The following PLEKHM3 variants were observed in gnomAD, a reference collection of about 807,000 sequenced individuals.
The protein encoded by PLEKHM3 is pleckstrin homology domain containing M3.
A neutral mutation model predicts 81.8 loss-of-function variants in PLEKHM3; 45 were observed. The observed-to-expected ratio is 0.55, with a 90% CI of 0.43 to 0.71. The LOEUF (loss-of-function observed/expected upper bound fraction) is 0.71, where lower values mean the gene tolerates loss of function less well. Ranked by LOEUF, PLEKHM3 falls within the 30% of genes least tolerant of loss-of-function variation. PLEKHM3 has a pLI of 0.00. For missense variants in PLEKHM3, 788 were observed against 924.3 expected, an observed-to-expected ratio of 0.85 and a Z score of 1.91; for synonymous variants, 352 against 356.4, an observed-to-expected ratio of 0.99 and a Z score of 0.14.
chr2:208,011,589 T>C (rs1174248217), intron 1 of PLEKHM3, among the ~76,000 whole-genome samples: 1 of 150,866 alleles, frequency 6.6e-6, no homozygotes, highest in African/African-American at 2.4e-5. Flanking sequence ...AATGAGAAAA[T>C]AGACTTTGGG....
intron 7 of PLEKHM3, among the ~76,000 whole-genome samples, chr2:207,830,759 C>T (rs1239263406): frequency 1.3e-5 from 2 of 149,786 alleles, no homozygotes; most frequent in Admixed American, 6.6e-5. Context: ...CCCAACTCCG[C>T]ATGCCTCAGA....
intron 7 of PLEKHM3, among the ~76,000 whole-genome samples, chr2:207,855,471 T>A (rs1345615609): frequency 1.3e-5 from 2 of 152,118 alleles, no homozygotes; most frequent in Non-Finnish European, 2.9e-5. Flanking sequence ...AATAACTGTA[T>A]CCATACTTGG....
At chr2:207,919,729 A>G (rs1367441726) in intron 5 of PLEKHM3, among the ~76,000 whole-genome samples, 2 of 152,170 alleles carry the variant, frequency 1.3e-5, no homozygotes, top group African/African-American at 4.8e-5. Flanking sequence ...GGACATATTA[A>G]GGTTAAGACG....
chr2:207,848,992 T>TGAGGCTGATGTTTGTTCTC (rs1559206132), intron 7 of PLEKHM3, among the ~76,000 whole-genome samples: 1 of 152,210 alleles, frequency 6.6e-6, no homozygotes, highest in Non-Finnish European at 1.5e-5. Context: ...CACTTTTCCA[T>TGAGGCTGATGTTTGTTCTC]GAGGCTGATG....
At chr2:207,972,220 T>G (rs981508334) in intron 3 of PLEKHM3, among the ~76,000 whole-genome samples, 1 of 151,974 alleles carries the variant, frequency 6.6e-6, no homozygotes, top group Non-Finnish European at 1.5e-5. Context: ...TTTCAAGAAG[T>G]AGAACTAGCA....
intron 1 of PLEKHM3, among the ~76,000 whole-genome samples, chr2:208,017,035 C>T (rs757376273): frequency 6.6e-6 from 1 of 152,186 alleles, no homozygotes; most frequent in Non-Finnish European, 1.5e-5. Flanking sequence ...ACAGTGCCTA[C>T]ACATCCTCTC....
intron 5 of PLEKHM3, among the ~76,000 whole-genome samples, chr2:207,920,579 GA>G (rs35352036): frequency 0.64 from 95,869 of 150,308 alleles, 31,025 homozygotes; most frequent in Middle Eastern, 0.8. Context: ...TAAAATGAGA[GA>G]AAAAAAAATG....
At chr2:207,860,313 T>A (rs2092461205) in intron 7 of PLEKHM3, among the ~76,000 whole-genome samples, 1 of 152,044 alleles carries the variant, frequency 6.6e-6, no homozygotes, top group Non-Finnish European at 1.5e-5. Flanking sequence ...CTAAAAGGGC[T>A]GAGTCAACTC....
intron 7 of PLEKHM3, among the ~76,000 whole-genome samples, chr2:207,858,637 C>T (rs1025724324): frequency 3.9e-5 from 6 of 151,936 alleles, no homozygotes; most frequent in Non-Finnish European, 7.4e-5. Flanking sequence ...TTTGCCACCA[C>T]GTCCAGCTAA....
intron 6 of PLEKHM3, among the ~76,000 whole-genome samples, chr2:207,873,787 TA>T (rs1209231934): frequency 6.6e-6 from 1 of 152,208 alleles, no homozygotes; most frequent in Non-Finnish European, 1.5e-5. Flanking sequence ...TTTCGGGATG[TA>T]AAGTACAATA....
intron 5 of PLEKHM3, among the ~76,000 whole-genome samples, chr2:207,920,135 G>A (rs1261860094): frequency 6.6e-6 from 1 of 152,168 alleles, no homozygotes; most frequent in Non-Finnish European, 1.5e-5. Context: ...AGGAAGAGAT[G>A]GCTTAGAAGG....
At chr2:207,849,836 A>G (rs1208757259) in intron 7 of PLEKHM3, among the ~76,000 whole-genome samples, 1 of 152,248 alleles carries the variant, frequency 6.6e-6, no homozygotes, top group East Asian at 1.9e-4. Context: ...ATATATACTT[A>G]GGCAAGCTTA....
chr2:207,857,181 C>T (rs1293076289), intron 7 of PLEKHM3, among the ~76,000 whole-genome samples: 4 of 152,176 alleles, frequency 2.6e-5, no homozygotes, highest in African/African-American at 9.7e-5. Flanking sequence ...ACTTATCTCT[C>T]TCTTCTTTCA....
chr2:207,864,043 T>G (rs1378945974), intron 6 of PLEKHM3, among the ~76,000 whole-genome samples: 3 of 152,100 alleles, frequency 2.0e-5, no homozygotes, highest in Non-Finnish European at 4.4e-5. Context: ...TGTCACTTTG[T>G]ATATAGCTGT....
At chr2:207,921,553 CA>C (rs1689184030) in intron 5 of PLEKHM3, among the ~76,000 whole-genome samples, 1 of 152,196 alleles carries the variant, frequency 6.6e-6, no homozygotes, top group East Asian at 1.9e-4. Flanking sequence ...TGAAAATATA[CA>C]ACAAATTATT....
chr2:207,840,503 G>A (rs77538865), intron 7 of PLEKHM3, among the ~76,000 whole-genome samples: 4,251 of 152,108 alleles, frequency 0.028, 189 homozygotes, highest in African/African-American at 0.096. Context: ...GCCAACTAGT[G>A]TTTTTATATA....
At chr2:207,829,820 G>A (rs903795314) in intron 7 of PLEKHM3, among the ~76,000 whole-genome samples, 1 of 152,128 alleles carries the variant, frequency 6.6e-6, no homozygotes, top group East Asian at 1.9e-4. Context: ...TCAGCCTCAG[G>A]CTTCTTTTGC....
chr2:207,961,123 C>T (rs1339769526), intron 3 of PLEKHM3, among the ~76,000 whole-genome samples: 1 of 152,240 alleles, frequency 6.6e-6, no homozygotes, highest in African/African-American at 2.4e-5. Context: ...GAAGACCAAG[C>T]TCTTGTGCTC....
rs138310467 is a variant in PLEKHM3, at chr2:207,913,613, G to A, written c.1887-5036C>T. Among the ~76,000 whole-genome samples, 563 of 152,214 alleles carry A rather than the reference G, an allele frequency of 3.7e-3. 3 individuals carry two copies. The highest frequency in any genetic ancestry group is 0.013 in the African/African-American group (529 of 41,516). ...CTGGGTGGTTTCAGGGGAGGAGGAG[G>A]AAAGACTGGAGAGGGGTGAGGATTG... On this transcript the variant is annotated intron_variant, in intron 5 of 7. Coordinates refer to ENST00000427836, the MANE Select transcript of PLEKHM3 (RefSeq NM_001080475.3).
Sources: allele counts gnomAD v4.1 joint callset (sites outside exome capture counted in the v4.1 genomes callset), GRCh38; gene constraint gnomAD v4.1.1; transcripts MANE v1.5; gene names NCBI Gene and HGNC (gene_info 2026-07-23, HGNC 2026-07-21).